Variants in RSPH10B observed in about 807,000 individuals in gnomAD.
RSPH10B encodes the protein radial spoke head 10 homolog B (Chlamydomonas).
RSPH10B carries 7 observed loss-of-function variants against 52.5 expected under a neutral mutation model. The observed-to-expected ratio is 0.13, with a 90% CI of 0.08 to 0.25. The LOEUF (loss-of-function observed/expected upper bound fraction) is 0.25, where lower values mean the gene tolerates loss of function less well. Ranked by LOEUF, RSPH10B falls within the 10% of genes least tolerant of loss-of-function variation. The pLI is 1.00. For missense variants in RSPH10B, 89 were observed against 542.5 expected (o/e 0.16, Z 8.30); for synonymous variants, 28 against 193.2 (o/e 0.14, Z 7.09).
chr7:5,927,140 G>T (rs958321825), intron 18 of RSPH10B, among the ~76,000 whole-genome samples: 1 of 139,868 alleles, frequency 7.1e-6, no homozygotes, highest in Non-Finnish European at 1.6e-5. Context: ...TGCCCAGGCT[G>T]GAGTGCAGTG....
At chr7:5,927,581 C>T (rs1779567537) in intron 18 of RSPH10B, among the ~76,000 whole-genome samples, 1 of 137,352 alleles carries the variant, frequency 7.3e-6, no homozygotes, top group African/African-American at 3.0e-5. Flanking sequence ...CCCCTGGCTA[C>T]CAGTCATCTC....
intron 3 of RSPH10B, among the ~76,000 whole-genome samples, chr7:5,961,316 T>C (rs1270066692): frequency 2.7e-5 from 4 of 145,646 alleles, no homozygotes; most frequent in East Asian, 4.0e-4. Context: ...AGGAAGACCC[T>C]GTCTCTAGAA....
Position 5,928,634 on chromosome 7 carries a change from G to GTTT in RSPH10B, c.2234-243_2234-241dup, listed in dbSNP as rs869172826. Among the ~76,000 whole-genome samples, 158 of 120,490 alleles carry GTTT rather than the reference G, an allele frequency of 1.3e-3. 9 individuals are homozygous for GTTT. The highest frequency in any genetic ancestry group is 4.6e-3 in the African/African-American group (143 of 31,326). 79.0% of individuals were successfully genotyped at this position (120,490 alleles called of 152,430 possible). On this transcript the variant is annotated intron_variant, in intron 17 of 18. Transcript: ENST00000337579. ...CCTGCTACCTCGTTTTTTCTTTTTTGTTTTTTTTTTTTTTGGAGACAGAAT... is the reference window on the plus strand; with the variant it reads ...CCTGCTACCTCGTTTTTTCTTTTTTGTTTTTTTTTTTTTTTTTGGAGACAGAAT...
At chr7:5,928,981 G>A (rs1300769745) in intron 17 of RSPH10B, among the ~76,000 whole-genome samples, 1 of 145,948 alleles carries the variant, frequency 6.9e-6, no homozygotes. Context: ...AATTTTCCAT[G>A]TTTCAAGAAT....
intron 18 of RSPH10B, among the ~76,000 whole-genome samples, chr7:5,927,099 T>TG (rs1491456473): frequency 1.9e-4 from 20 of 103,444 alleles, no homozygotes; most frequent in African/African-American, 4.6e-4. Context: ...TGTGTGTGTA[T>TG]TTTTTTTTTT....
chr7:5,928,732 A>G (rs1779663666), intron 17 of RSPH10B, among the ~76,000 whole-genome samples: 1 of 150,138 alleles, frequency 6.7e-6, no homozygotes, highest in Non-Finnish European at 1.5e-5. Context: ...CCTGGGTTCA[A>G]GCGATTCTCA....
At chr7:5,927,080 G>GTGTGTATATATATA (rs1779520974) in intron 18 of RSPH10B, among the ~76,000 whole-genome samples, 1 of 132,142 alleles carries the variant, frequency 7.6e-6, no homozygotes, top group Non-Finnish European at 1.6e-5. Context: ...ATGTGTGTGT[G>GTGTGTATATATATA]TGTGTGTGTG....
rs1042062281 is a variant in RSPH10B at position 5,946,876 on chromosome 7, CG to C, written c.1414+1343del. Among the ~76,000 whole-genome samples the C allele has an allele frequency of 8.1e-5, 4 of 49,668 alleles. 1 individual carries two copies. Among genetic ancestry groups the C allele is most frequent in the African/African-American group, 3.8e-4 (4 of 10,602 alleles). 32.6% of individuals were successfully genotyped at this position (49,668 alleles called of 152,430 possible). ...CTCTTTATCAAGTACCTCGTAATCA[CG>C]GGGGAAATGACCACGCGCTGATTTC... On this transcript the variant is annotated intron_variant, in intron 10 of 18. Coordinates refer to ENST00000337579, the Ensembl canonical transcript of RSPH10B.
At chr7:5,927,227 C>T (rs1463503785) in intron 18 of RSPH10B, among the ~76,000 whole-genome samples, 5 of 123,110 alleles carry the variant, frequency 4.1e-5, no homozygotes, top group Non-Finnish European at 8.5e-5. Flanking sequence ...GTAGCTGGGA[C>T]TACAGGCGCC....
chr7:5,927,078 G>GTATATATATA lies in RSPH10B; in HGVS notation c.2433-531_2433-530insTATATATATA, dbSNP rs1424714633. Among the ~76,000 whole-genome samples the GTATATATATA allele has an allele frequency of 1.1e-3, 148 of 129,618 alleles. 2 individuals are homozygous for GTATATATATA. The highest frequency in any genetic ancestry group is 3.5e-3 in the African/African-American group (115 of 32,750). 85.0% of individuals were successfully genotyped at this position (129,618 alleles called of 152,430 possible). ...TGTGTGTGTGTGTGTATATGTGTGT[G>GTATATATATA]TGTGTGTGTGTGTGTGTGTATTTTT... On this transcript the variant is annotated intron_variant, in intron 18 of 18. Coordinates refer to ENST00000337579, the Ensembl canonical transcript of RSPH10B.
chr7:5,931,736 C>G (rs1367510590), intron 17 of RSPH10B, among the ~76,000 whole-genome samples: 1 of 150,226 alleles, frequency 6.7e-6, no homozygotes, highest in Non-Finnish European at 1.5e-5. Flanking sequence ...CGGGTGGGCT[C>G]ACACCTGTAA....
chr7:5,927,146 C>T (rs1297358101), intron 18 of RSPH10B, among the ~76,000 whole-genome samples: 6 of 140,786 alleles, frequency 4.3e-5, no homozygotes, highest in Non-Finnish European at 9.3e-5. Flanking sequence ...GGCTGGAGTG[C>T]AGTGGCACAA....
chr7:5,929,400 T>G (rs1427543412), intron 17 of RSPH10B, among the ~76,000 whole-genome samples: 1 of 109,996 alleles, frequency 9.1e-6, no homozygotes, highest in African/African-American at 3.9e-5. Context: ...ACTCCTGAGC[T>G]CTAGTAATCC....
intron 18 of RSPH10B, among the ~76,000 whole-genome samples, chr7:5,927,070 A>ATT (rs1554284566): frequency 0.035 from 3,857 of 109,992 alleles, 1 homozygote; most frequent in Non-Finnish European, 0.05. Context: ...GTGTGTGTAT[A>ATT]TGTGTGTGTG....
intron 13 of RSPH10B, 147 bp downstream of exon 15, chr7:5,943,177 A>T (rs1780298286): frequency 6.7e-7 from 1 of 1,490,380 alleles, no homozygotes; most frequent in Admixed American, 2.2e-5. Flanking sequence ...TTCTGCCAAG[A>T]GACTCAGTAA....
At chr7:5,927,062 G>A (rs1204166045) in intron 18 of RSPH10B, among the ~76,000 whole-genome samples, 11,171 of 90,710 alleles carry the variant, frequency 0.12, 343 homozygotes, top group South Asian at 0.16. Flanking sequence ...GTGTGTGTGT[G>A]TGTGTATATG....
chr7:5,932,484 CCTTGAA>C (rs1779826201), intron 17 of RSPH10B, among the ~76,000 whole-genome samples: 1 of 128,340 alleles, frequency 7.8e-6, no homozygotes, highest in African/African-American at 2.9e-5. Flanking sequence ...CAAGGTCACG[CCTTGAA>C]CTTGAACTCC....
intron 13 of RSPH10B, among the ~76,000 whole-genome samples, chr7:5,941,094 G>C (rs1780158539): frequency 1.5e-5 from 1 of 65,982 alleles, no homozygotes; most frequent in African/African-American, 4.9e-5. Flanking sequence ...TTGAGCCCAG[G>C]AGTTCAAGAT....
chr7:5,960,113 A>C (rs1780869387), intron 4 of RSPH10B, among the ~76,000 whole-genome samples: 1 of 32,950 alleles, frequency 3.0e-5, no homozygotes, highest in Non-Finnish European at 5.6e-5. Context: ...TAAATAGCCT[A>C]TTAAAGCATG....
Sources: allele counts gnomAD v4.1 joint callset (sites outside exome capture counted in the v4.1 genomes callset), GRCh38; gene constraint gnomAD v4.1.1; transcripts MANE v1.5; gene names NCBI Gene and HGNC (gene_info 2026-07-23, HGNC 2026-07-21).